RANBP9: variants seen among roughly 807,000 people sequenced by gnomAD.
RANBP9 encodes the protein RAN binding protein 9.
Under a neutral mutation model 84.3 loss-of-function variants are expected in RANBP9, and 15 were observed. That is an observed-to-expected ratio of 0.18 (90% CI 0.12 to 0.27). The LOEUF is 0.27. RANBP9 is among the 10% of genes least tolerant of loss of function. The pLI, the probability that RANBP9 is intolerant of heterozygous loss-of-function variation, is 1.00. For synonymous variants in RANBP9, 392 were observed against 349.6 expected (o/e 1.12, Z -1.35); for missense variants, 809 against 912.8 (o/e 0.89, Z 1.46).
intron 5 of RANBP9, among the ~76,000 whole-genome samples, chr6:13,648,778 C>T (rs776398238): frequency 2.6e-5 from 4 of 152,182 alleles, no homozygotes; most frequent in East Asian, 1.9e-4. Context: ...GCCCAGAATT[C>T]GAAAACAGCA....
chr6:13,700,841 T>C (rs1184655383), intron 1 of RANBP9, among the ~76,000 whole-genome samples: 2 of 152,198 alleles, frequency 1.3e-5, no homozygotes, highest in Non-Finnish European at 2.9e-5. Context: ...GTAATTTTTG[T>C]AGTGTTCTGA....
intron 2 of RANBP9, among the ~76,000 whole-genome samples, chr6:13,692,662 G>C (rs1766354899): frequency 6.6e-6 from 1 of 151,814 alleles, no homozygotes; most frequent in Non-Finnish European, 1.5e-5. Context: ...CACCAGCCTG[G>C]GCAACAGGGT....
chr6:13,646,395 G>A (rs1157994449), intron 5 of RANBP9, among the ~76,000 whole-genome samples: 2 of 152,220 alleles, frequency 1.3e-5, no homozygotes, highest in East Asian at 1.9e-4. Flanking sequence ...GGCAACAAGA[G>A]TGAAACTCTG....
chr6:13,621,791 G>A lies in RANBP9; in HGVS notation c.*571C>T, dbSNP rs1245830907. 6.6e-6 allele frequency: 1 copy of A among 152,594 alleles called. No individual in the cohort carries two copies. Among genetic ancestry groups the A allele is most frequent in the Non-Finnish European group, 1.5e-5 (1 of 68,034 alleles). The allele number at this position is 152,594 out of a possible 1,614,324, so 9.5% of individuals were successfully genotyped here. On this transcript the variant is annotated 3_prime_UTR_variant, in exon 14 of 14. Coordinates refer to ENST00000011619, the MANE Select transcript of RANBP9 (RefSeq NM_005493.3). ...AAAACAAAACTACTGGGACTAACAG[G>A]TCGGGATTGTAAGTAGCAACAAACA...
chr6:13,706,989 G>C (rs1447419154), intron 1 of RANBP9, among the ~76,000 whole-genome samples: 4 of 137,202 alleles, frequency 2.9e-5, no homozygotes, highest in Non-Finnish European at 6.1e-5. Flanking sequence ...CTGGACGATA[G>C]AGCAAGACTC....
chr6:13,645,029 T>C (rs187239157), intron 5 of RANBP9, among the ~76,000 whole-genome samples: 10 of 152,338 alleles, frequency 6.6e-5, no homozygotes, highest in Non-Finnish European at 1.3e-4. Context: ...TATGTGCATG[T>C]AATTCTTGTT....
At position 13,637,920 on chromosome 6, in the gene RANBP9, T is replaced by C; in HGVS notation, c.1561A>G (p.Lys521Glu). The change falls in exon 10 of 14, where the codon AAA (lysine) becomes GAA (glutamate). Residue 521 changes from lysine to glutamate, a missense_variant. Coordinates refer to ENST00000011619, the MANE Select transcript of RANBP9 (RefSeq NM_005493.3). ...ESCSNGVISNKAHQSYCHSNK... is the reference protein window; with the variant it reads ...ESCSNGVISNEAHQSYCHSNK... Reference sequence around the variant, plus strand: ...CTATGGCAATATGATTGATGTGCTTTATTTGATATTACACCATTACTACAA... The same window carrying C: ...CTATGGCAATATGATTGATGTGCTTCATTTGATATTACACCATTACTACAA... 8 of 1,609,992 alleles carry C rather than the reference T, an allele frequency of 5.0e-6. No homozygotes were observed. The highest frequency in any genetic ancestry group is 6.8e-6 in the Non-Finnish European group (8 of 1,177,462).
intron 9 of RANBP9, 96 bp from the exon 10 acceptor site, chr6:13,638,051 T>C: frequency 8.5e-7 from 1 of 1,179,936 alleles, no homozygotes; most frequent in East Asian, 2.6e-5. Context: ...CTAAGACTTC[T>C]AGAACGTAGG....
chr6:13,700,824 T>C (rs544885830), intron 1 of RANBP9, among the ~76,000 whole-genome samples: 1 of 152,332 alleles, frequency 6.6e-6, no homozygotes, highest in East Asian at 1.9e-4. Flanking sequence ...TTTATTTTAC[T>C]AGGACTGTAA....
At chr6:13,653,229 A>T (rs1327730574) in intron 4 of RANBP9, among the ~76,000 whole-genome samples, 1 of 152,162 alleles carries the variant, frequency 6.6e-6, no homozygotes, top group African/African-American at 2.4e-5. Flanking sequence ...GGAAAAATCA[A>T]TTCCTCCTTC....
intron 2 of RANBP9, among the ~76,000 whole-genome samples, chr6:13,679,708 A>G (rs1036679371): frequency 6.6e-6 from 1 of 152,194 alleles, no homozygotes; most frequent in African/African-American, 2.4e-5. Context: ...AATCACACAA[A>G]TAAGTTCAGA....
chr6:13,675,278 C>A (rs1765863904), intron 2 of RANBP9, among the ~76,000 whole-genome samples: 1 of 152,152 alleles, frequency 6.6e-6, no homozygotes. Flanking sequence ...ATAAGAAAGA[C>A]ATGCCTTAAC....
chr6:13,657,382 G>T lies in RANBP9; in HGVS notation c.737-106C>A, dbSNP rs1382374392. 4.8e-6 allele frequency: 4 copies of T among 825,612 alleles called. No homozygotes were observed. The African/African-American group carries it at 5.3e-5, about 11-fold the overall frequency. 51.1% of individuals were successfully genotyped at this position (825,612 alleles called of 1,614,324 possible). ...TCAGAACAGTACAAGATAATATAAA[G>T]ATGAAATTCCCAATGTACATTTAAA... On this transcript the variant is annotated intron_variant, in intron 3 of 13. Coordinates refer to ENST00000011619, the MANE Select transcript of RANBP9 (RefSeq NM_005493.3).
intron 2 of RANBP9, among the ~76,000 whole-genome samples, chr6:13,672,433 A>G (rs977873457): frequency 6.6e-6 from 1 of 152,184 alleles, no homozygotes; most frequent in Non-Finnish European, 1.5e-5. Context: ...TTTAATTAAT[A>G]AAAGTTTCTA....
chr6:13,676,358 G>A (rs1765886011), intron 2 of RANBP9, among the ~76,000 whole-genome samples: 2 of 151,678 alleles, frequency 1.3e-5, no homozygotes, highest in Admixed American at 6.6e-5. Flanking sequence ...ATGGCTTCAG[G>A]GTAATTCCAA....
chr6:13,648,673 A>G (rs558098285), intron 5 of RANBP9, among the ~76,000 whole-genome samples: 2 of 152,242 alleles, frequency 1.3e-5, no homozygotes, highest in Non-Finnish European at 2.9e-5. Context: ...ATAAATTTAT[A>G]TTCTCAATAG....
At chr6:13,706,612 G>A (rs1246895612) in intron 1 of RANBP9, among the ~76,000 whole-genome samples, 2 of 151,342 alleles carry the variant, frequency 1.3e-5, no homozygotes, top group Non-Finnish European at 2.9e-5. Flanking sequence ...AGAATTGCTT[G>A]AACCCGGGAG....
rs1354000360 is a variant in RANBP9, at chr6:13,711,811, G to A, written c.-306C>T. Among the ~76,000 whole-genome samples the A allele has an allele frequency of 6.8e-6, 1 of 146,418 alleles. No homozygotes were observed. The highest frequency in any genetic ancestry group is 1.5e-5 in the Non-Finnish European group (1 of 65,830). ...AGGGGAAGGCGCGCTGGCGGCCGCC[G>A]CGGCCGCTGCTCTCGCGGCTGTTTC... On this transcript the variant is annotated 5_prime_UTR_variant, in exon 1 of 14. Transcript: ENST00000011619.
At chr6:13,683,515 A>AT (rs1241272633) in intron 2 of RANBP9, among the ~76,000 whole-genome samples, 4 of 151,980 alleles carry the variant, frequency 2.6e-5, no homozygotes, top group Non-Finnish European at 5.9e-5. Context: ...CATGAGAATA[A>AT]TTTTTTTTAA....
Sources: allele counts gnomAD v4.1 joint callset (sites outside exome capture counted in the v4.1 genomes callset), GRCh38; gene constraint gnomAD v4.1.1; transcripts MANE v1.5; gene names NCBI Gene and HGNC (gene_info 2026-07-23, HGNC 2026-07-21).